LRRTM4: variants seen among roughly 807,000 people sequenced by gnomAD.
The protein encoded by LRRTM4 is leucine-rich repeat transmembrane neuronal protein 4.
A neutral mutation model predicts 47.6 loss-of-function variants in LRRTM4; 25 were observed. The ratio of observed to expected loss-of-function variants is 0.53; its 90% CI spans 0.38 to 0.73. The LOEUF is 0.73. Ranked by LOEUF, LRRTM4 falls within the 30% of genes least tolerant of loss-of-function variation. The pLI is 0.00. For missense variants in LRRTM4, 638 were observed against 713.4 expected, an observed-to-expected ratio of 0.89 and a Z score of 1.20; for synonymous variants, 311 against 269.5, an observed-to-expected ratio of 1.15 and a Z score of -1.51.
chr2:76,760,683 T>G (rs1362985769), intron 3 of LRRTM4, among the ~76,000 whole-genome samples: 2 of 152,124 alleles, frequency 1.3e-5, no homozygotes, highest in Admixed American at 6.6e-5. Flanking sequence ...GCTTGATCAC[T>G]TTAGCCATTA....
chr2:77,006,663 C>G (rs1028606472), intron 3 of LRRTM4, among the ~76,000 whole-genome samples: 2 of 152,108 alleles, frequency 1.3e-5, no homozygotes, highest in African/African-American at 4.8e-5. Flanking sequence ...AGATTCTAGA[C>G]TTCTGGGGAT....
intron 3 of LRRTM4, among the ~76,000 whole-genome samples, chr2:77,060,915 T>C (rs1001398607): frequency 7.2e-5 from 11 of 152,160 alleles, no homozygotes; most frequent in South Asian, 2.1e-4. Context: ...ATTTATTCTA[T>C]GCATCTGACT....
chr2:76,792,137 A>G (rs1675007349), intron 3 of LRRTM4, among the ~76,000 whole-genome samples: 1 of 151,808 alleles, frequency 6.6e-6, no homozygotes, highest in Non-Finnish European at 1.5e-5. Context: ...GTCCTAAAAA[A>G]GAGAGCTTAC....
chr2:77,022,345 C>G (rs1678304245), intron 3 of LRRTM4, among the ~76,000 whole-genome samples: 2 of 152,076 alleles, frequency 1.3e-5, no homozygotes, highest in Admixed American at 1.3e-4. Flanking sequence ...GACACAGAGC[C>G]AAACCATATC....
At chr2:76,922,920 G>T (rs1674477364) in intron 3 of LRRTM4, among the ~76,000 whole-genome samples, 1 of 151,996 alleles carries the variant, frequency 6.6e-6, no homozygotes, top group South Asian at 2.1e-4. Context: ...AAGTGTCATG[G>T]AAACTAAAAT....
intron 3 of LRRTM4, among the ~76,000 whole-genome samples, chr2:76,945,076 T>A (rs571111010): frequency 6.6e-6 from 1 of 152,234 alleles, no homozygotes; most frequent in Admixed American, 6.5e-5. Flanking sequence ...GACAGGTATG[T>A]GTTTTTTGGC....
chr2:76,964,725 A>T (rs1675967360), intron 3 of LRRTM4, among the ~76,000 whole-genome samples: 1 of 150,722 alleles, frequency 6.6e-6, no homozygotes, highest in Non-Finnish European at 1.5e-5. Flanking sequence ...AGAAGAACAG[A>T]AACAATTAAA....
At chr2:76,964,162 C>G (rs1420791028) in intron 3 of LRRTM4, among the ~76,000 whole-genome samples, 1 of 150,924 alleles carries the variant, frequency 6.6e-6, no homozygotes, top group African/African-American at 2.4e-5. Context: ...ATGTTTGTAG[C>G]TGTGACCCTA....
chr2:76,974,229 T>TATATATATAC lies in LRRTM4; in HGVS notation c.1552-225314_1552-225313insGTATATATAT, dbSNP rs1558771810. On this transcript the variant is annotated intron_variant, in intron 3 of 3. Coordinates refer to ENST00000409884, the MANE Select transcript of LRRTM4 (RefSeq NM_001134745.3). ...ATATATACACATATATATACATACA[T>TATATATATAC]ATATATATATACATATATATATATA... is the stretch of plus-strand genomic sequence containing the variant. 1.4e-4 allele frequency among the ~76,000 whole-genome samples: 14 copies of TATATATATAC among 101,740 alleles called. 1 individual carries two copies. The highest frequency in any genetic ancestry group is 2.8e-4 in the African/African-American group (6 of 21,564). The allele number at this position is 101,740 out of a possible 152,430, so 66.7% of individuals were successfully genotyped here.
At chr2:76,903,469 G>C (rs1321202665) in intron 3 of LRRTM4, among the ~76,000 whole-genome samples, 1 of 152,166 alleles carries the variant, frequency 6.6e-6, no homozygotes, top group Non-Finnish European at 1.5e-5. Flanking sequence ...TTGGGAGGCT[G>C]AGTGTGTAGT....
intron 3 of LRRTM4, among the ~76,000 whole-genome samples, chr2:77,436,205 A>G (rs1003709693): frequency 1.4e-4 from 22 of 152,290 alleles, no homozygotes; most frequent in African/African-American, 5.1e-4. Context: ...TGCCCAAAGC[A>G]ATGACTAAAT....
At chr2:77,249,301 T>G (rs2901837) in intron 3 of LRRTM4, among the ~76,000 whole-genome samples, 83,204 of 151,626 alleles carry the variant, frequency 0.55, 23,196 homozygotes, top group African/African-American at 0.6. Flanking sequence ...AGTGAGCCGA[T>G]ATTACGCCAT....
intron 3 of LRRTM4, among the ~76,000 whole-genome samples, chr2:77,091,011 T>C (rs1670613511): frequency 6.6e-6 from 1 of 152,058 alleles, no homozygotes; most frequent in Admixed American, 6.5e-5. Context: ...CCAGAACTGT[T>C]GTGGGTATTG....
Position 76,810,885 on chromosome 2 carries a change from C to G in LRRTM4, c.1552-61969G>C, listed in dbSNP as rs142824364. Among the ~76,000 whole-genome samples the G allele has an allele frequency of 2.3e-3, 343 of 152,242 alleles. 6 individuals carry two copies. The highest frequency in any genetic ancestry group is 7.0e-3 in the African/African-American group (292 of 41,544). ...GTTATTACACAACATTACACACTAT[C>G]TTACCATTGACACATACTGTGGGTT... On this transcript the variant is annotated intron_variant, in intron 3 of 3. Transcript: ENST00000409884.
intron 3 of LRRTM4, among the ~76,000 whole-genome samples, chr2:76,770,268 C>G (rs1027558643): frequency 6.6e-6 from 1 of 152,164 alleles, no homozygotes; most frequent in African/African-American, 2.4e-5. Context: ...AAATCCTTGT[C>G]TTTCAAAACT....
intron 3 of LRRTM4, among the ~76,000 whole-genome samples, chr2:77,347,931 G>A (rs969640375): frequency 3.3e-5 from 5 of 150,806 alleles, no homozygotes; most frequent in East Asian, 1.9e-4. Flanking sequence ...TGCTTGAACC[G>A]TGTCATATTA....
At chr2:77,187,969 C>T (rs908705310) in intron 3 of LRRTM4, among the ~76,000 whole-genome samples, 2 of 151,920 alleles carry the variant, frequency 1.3e-5, no homozygotes, top group Non-Finnish European at 2.9e-5. Flanking sequence ...AGATATTGTT[C>T]TATATTTTGT....
intron 3 of LRRTM4, among the ~76,000 whole-genome samples, chr2:76,805,725 C>T (rs1183226590): frequency 2.0e-5 from 3 of 152,040 alleles, no homozygotes; most frequent in Non-Finnish European, 4.4e-5. Context: ...TATGTTAAAC[C>T]ATCACGCATC....
At chr2:76,832,484 A>G (rs1379692413) in intron 3 of LRRTM4, among the ~76,000 whole-genome samples, 1 of 124,762 alleles carries the variant, frequency 8.0e-6, no homozygotes. Flanking sequence ...TTTTGTCTAC[A>G]CTGCTTAATA....
Sources: allele counts gnomAD v4.1 joint callset (sites outside exome capture counted in the v4.1 genomes callset), GRCh38; gene constraint gnomAD v4.1.1; transcripts MANE v1.5; gene names NCBI Gene and HGNC (gene_info 2026-07-23, HGNC 2026-07-21).